CHODL: variants seen among roughly 807,000 people sequenced by gnomAD.
CHODL encodes chondrolectin.
Under a neutral mutation model 34.5 loss-of-function variants are expected in CHODL, and 29 were observed. The observed-to-expected ratio is 0.84, with a 90% CI of 0.63 to 1.15. The LOEUF (loss-of-function observed/expected upper bound fraction) is 1.15. CHODL is among the 50% of genes most tolerant of loss of function. The probability of loss-of-function intolerance (pLI) is 0.00; values close to 1 mark genes in which losing one functional copy is unlikely to be tolerated. For missense variants in CHODL, 332 were observed against 332.5 expected, an observed-to-expected ratio of 1.00 and a Z score of 0.01; for synonymous variants, 125 against 116.1, an observed-to-expected ratio of 1.08 and a Z score of -0.49.
At chr21:18,081,718 A>G (rs188743110) in intron 2 of CHODL, among the ~76,000 whole-genome samples, 2 of 151,178 alleles carry the variant, frequency 1.3e-5, no homozygotes, top group Non-Finnish European at 2.9e-5. Context: ...GAAAGTGGGC[A>G]TCTTCTCTTG....
At chr21:18,249,840 A>AT in intron 1 of CHODL, among the ~76,000 whole-genome samples, 2 of 152,264 alleles carry the variant, frequency 1.3e-5, no homozygotes, top group Middle Eastern at 6.8e-3. Flanking sequence ...AAAGGTTCAA[A>AT]CACAGTTATG....
At chr21:18,070,025 T>TTCCCTTCC (rs1555860424) in intron 2 of CHODL, among the ~76,000 whole-genome samples, 113 of 29,082 alleles carry the variant, frequency 3.9e-3, no homozygotes, top group Non-Finnish European at 8.6e-3. Flanking sequence ...TTCCCTTCCC[T>TTCCCTTCC]CCCCCCCCCC....
chr21:18,143,885 T>A (rs1385300947), intron 2 of CHODL, among the ~76,000 whole-genome samples: 1 of 152,164 alleles, frequency 6.6e-6, no homozygotes, highest in African/African-American at 2.4e-5. Flanking sequence ...ATTCGACATT[T>A]ATTCAATATA....
At chr21:18,012,319 C>T (rs1311327877) in intron 1 of CHODL, among the ~76,000 whole-genome samples, 2 of 152,196 alleles carry the variant, frequency 1.3e-5, no homozygotes, top group East Asian at 3.8e-4. Context: ...TTAAGTTCTA[C>T]TGACAATCTC....
chr21:18,088,312 G>A (rs1220837540), intron 2 of CHODL, among the ~76,000 whole-genome samples: 1 of 152,116 alleles, frequency 6.6e-6, no homozygotes, highest in Non-Finnish European at 1.5e-5. Flanking sequence ...CACTTCCAGG[G>A]GTGTGTGAGA....
intron 2 of CHODL, among the ~76,000 whole-genome samples, chr21:18,237,332 G>A (rs9977296): frequency 0.13 from 19,954 of 151,950 alleles, 1,425 homozygotes; most frequent in African/African-American, 0.18. Context: ...TACGTATAGC[G>A]AAAGTAAGGG....
intron 1 of CHODL, among the ~76,000 whole-genome samples, chr21:17,951,976 G>A (rs2063461003): frequency 6.6e-6 from 1 of 152,058 alleles, no homozygotes; most frequent in African/African-American, 2.4e-5. Context: ...GCTTGTGCAT[G>A]TAATCTCAGC....
At chr21:17,931,337 C>T (rs1348566514) in intron 1 of CHODL, among the ~76,000 whole-genome samples, 1 of 152,122 alleles carries the variant, frequency 6.6e-6, no homozygotes, top group East Asian at 1.9e-4. Context: ...GTACACAAGG[C>T]TAAAGAATAA....
chr21:18,056,831 G>T (rs2064588427), intron 2 of CHODL, among the ~76,000 whole-genome samples: 1 of 151,902 alleles, frequency 6.6e-6, no homozygotes, highest in South Asian at 2.1e-4. Context: ...TTTATAGTTT[G>T]TTTTCTTTTC....
intron 2 of CHODL, among the ~76,000 whole-genome samples, chr21:18,211,141 T>TACACACACACACACACACACAC (rs3077936): frequency 1.4e-4 from 21 of 148,788 alleles, no homozygotes; most frequent in African/African-American, 5.0e-4. Flanking sequence ...TACACATGGA[T>TACACACACACACACACACACAC]ACACACACAC....
intron 2 of CHODL, among the ~76,000 whole-genome samples, chr21:18,188,860 G>C (rs184903238): frequency 3.9e-5 from 6 of 152,226 alleles, no homozygotes; most frequent in Admixed American, 2.0e-4. Flanking sequence ...TGTTCAGAGA[G>C]ATAAAGAAAA....
At chr21:17,952,216 GAAAT>G (rs951916725) in intron 1 of CHODL, among the ~76,000 whole-genome samples, 1 of 95,314 alleles carries the variant, frequency 1.0e-5, no homozygotes, top group African/African-American at 4.1e-5. Flanking sequence ...AAAAAAAAAA[GAAAT>G]AAACCTACAA....
upstream of CHODL, among the ~76,000 whole-genome samples, chr21:18,244,543 T>C (rs1018102064): frequency 3.9e-5 from 6 of 152,184 alleles, no homozygotes; most frequent in African/African-American, 1.4e-4. Context: ...CATTTATCTT[T>C]GAGAAAACTA....
intron 2 of CHODL, among the ~76,000 whole-genome samples, chr21:18,127,103 A>C (rs1309834178): frequency 6.6e-6 from 1 of 152,230 alleles, no homozygotes; most frequent in African/African-American, 2.4e-5. Context: ...GATATTGAAG[A>C]GATACCAAGG....
chr21:18,049,487 A>G (rs2064486614), intron 2 of CHODL, among the ~76,000 whole-genome samples: 1 of 151,990 alleles, frequency 6.6e-6, no homozygotes, highest in Non-Finnish European at 1.5e-5. Context: ...TTACATTTTA[A>G]TTTCAATTAT....
At chr21:18,221,567 T>C (rs1200474444) in intron 2 of CHODL, among the ~76,000 whole-genome samples, 1 of 152,218 alleles carries the variant, frequency 6.6e-6, no homozygotes, top group Non-Finnish European at 1.5e-5. Context: ...TCATCTCAAT[T>C]AGATAGAATG....
chr21:18,140,963 G>C (rs999918047), intron 2 of CHODL, among the ~76,000 whole-genome samples: 4 of 151,920 alleles, frequency 2.6e-5, no homozygotes, highest in Non-Finnish European at 5.9e-5. Flanking sequence ...ATTCATGTTA[G>C]ATATCTACAT....
At chr21:18,210,392 A>G (rs73893029) in intron 2 of CHODL, among the ~76,000 whole-genome samples, 11,541 of 152,212 alleles carry the variant, frequency 0.076, 587 homozygotes, top group African/African-American at 0.14. Context: ...TTGGCAATTT[A>G]AGACTCTTTC....
chr21:17,931,237 C>G (rs2063270718), intron 1 of CHODL, among the ~76,000 whole-genome samples: 1 of 152,196 alleles, frequency 6.6e-6, no homozygotes, highest in African/African-American at 2.4e-5. Context: ...TACCCATCTG[C>G]TTCTGTGACA....
Sources: gnomAD v4.1 joint callset for allele counts (sites outside exome capture counted in the v4.1 genomes callset) on GRCh38, gnomAD v4.1.1 for gene constraint, MANE v1.5 for transcripts, NCBI Gene and HGNC (gene_info 2026-07-23, HGNC 2026-07-21) for gene names.